CEP57L1: variants seen among roughly 807,000 people sequenced by gnomAD.
The protein encoded by CEP57L1 is centrosomal protein CEP57L1.
In CEP57L1, 37 loss-of-function variants were observed where a neutral mutation model predicts 61.0. The observed-to-expected ratio is 0.61, with a 90% CI of 0.47 to 0.80. The LOEUF (loss-of-function observed/expected upper bound fraction) is 0.80. CEP57L1 is among the 30% of genes least tolerant of loss of function. The pLI is 0.00. For synonymous variants in CEP57L1, 137 were observed against 162.3 expected (o/e 0.84, Z 1.19); for missense variants, 422 against 524.7 (o/e 0.80, Z 1.91).
At position 109,121,845 on chromosome 6, in the gene CEP57L1, C is replaced by A. The variant is rs1030827681; in HGVS notation, c.-3-23374C>A. On this transcript the variant is annotated intron_variant, in intron 1 of 10. Coordinates refer to ENST00000517392, the MANE Select transcript of CEP57L1 (RefSeq NM_001271852.3). ...ACAATTTTATAATTTTTAATAGTGT[C>A]TTTGTTTTATAGTTATTTTGAAAAC... is the stretch of plus-strand genomic sequence containing the variant. 7.9e-5 allele frequency among the ~76,000 whole-genome samples: 12 copies of A among 152,050 alleles called. 1 individual carries two copies. The highest frequency in any genetic ancestry group is 1.3e-4 in the Admixed American group (2 of 15,268).
intron 1 of CEP57L1, among the ~76,000 whole-genome samples, chr6:109,102,475 T>A (rs1770427643): frequency 6.6e-6 from 1 of 152,240 alleles, no homozygotes; most frequent in African/African-American, 2.4e-5. Flanking sequence ...TCTTTAATAG[T>A]GTCTTTTGCA....
At chr6:109,095,290 A>C, upstream of CEP57L1, 1 of 985,946 alleles carries the variant, frequency 1.0e-6, no homozygotes, top group Non-Finnish European at 1.2e-6. Flanking sequence ...GTCACACATA[A>C]AACAAGCACG....
rs552968889 is a variant in CEP57L1, at chr6:109,167,199, G to A, written c.*4229G>A. On this transcript the variant is annotated 3_prime_UTR_variant, in exon 11 of 11. Transcript: ENST00000517392. The stretch of plus-strand genomic sequence containing the variant: ...TTCATGTAACTTTGTCTTTCAATTC[G>A]TTTTTGTTTTTTTTTTCCTGTAAGG... Among the ~76,000 whole-genome samples, 1,147 of 15,700 alleles carry A rather than the reference G, an allele frequency of 0.073. 18 individuals are homozygous for A. Among genetic ancestry groups the A allele is most frequent in the African/African-American group, 0.16 (1,097 of 7,050 alleles). 10.3% of individuals were successfully genotyped at this position (15,700 alleles called of 152,430 possible). A position where few individuals can be genotyped will look rare whatever the true frequency, so the allele number is the denominator to read the frequency against.
intron 1 of CEP57L1, chr6:109,140,312 C>A (rs937041380): frequency 6.6e-6 from 1 of 151,906 alleles, no homozygotes; most frequent in Non-Finnish European, 1.5e-5. Flanking sequence ...TACATATTAA[C>A]ATTAACCCTT....
At position 109,164,031 on chromosome 6, in the gene CEP57L1, T is replaced by A. The variant is rs1773934413; in HGVS notation, c.*1061T>A. ...AAATAGAGGACAGAGAGAAAAGATA[T>A]AATAGAATGGAGGAGCTCAAATATA... On this transcript the variant is annotated 3_prime_UTR_variant, in exon 11 of 11. Transcript: ENST00000517392. The A allele has an allele frequency of 6.6e-6, 1 of 152,020 alleles. No homozygotes were observed. 9.4% of individuals were successfully genotyped at this position (152,020 alleles called of 1,614,324 possible).
chr6:109,133,704 A>T (rs548573188), intron 1 of CEP57L1, among the ~76,000 whole-genome samples: 13 of 152,266 alleles, frequency 8.5e-5, no homozygotes, highest in African/African-American at 3.1e-4. Context: ...AATCAAATAG[A>T]CACAATAAAA....
intron 1 of CEP57L1, among the ~76,000 whole-genome samples, chr6:109,114,818 A>G (rs530977871): frequency 2.6e-5 from 4 of 152,252 alleles, no homozygotes; most frequent in African/African-American, 9.6e-5. Context: ...TATAGTTATT[A>G]TATTTCAAAA....
Position 109,155,175 on chromosome 6 carries a change from A to G in CEP57L1, c.580-55A>G, listed in dbSNP as rs561846772. The stretch of plus-strand genomic sequence containing the variant: ...TAGGACTCTATTTGGAAAAGAAACA[A>G]ATGATATTTGGCTCTAGTTTTTATG... On this transcript the variant is annotated intron_variant, in intron 5 of 10. Transcript: ENST00000517392. The G allele has an allele frequency of 1.0e-4, 113 of 1,105,104 alleles. No individual in the cohort carries two copies. In the African/African-American group the frequency reaches 1.5e-3, roughly 14 times the overall value. The allele number at this position is 1,105,104 out of a possible 1,614,324, so 68.5% of individuals were successfully genotyped here.
chr6:109,142,000 A>G (rs1403256881), intron 1 of CEP57L1, among the ~76,000 whole-genome samples: 2 of 152,204 alleles, frequency 1.3e-5, no homozygotes, highest in Non-Finnish European at 2.9e-5. Context: ...TAGCAGTCCT[A>G]TGGAATAAGT....
At chr6:109,139,405 C>A (rs1291063041) in intron 1 of CEP57L1, among the ~76,000 whole-genome samples, 1 of 152,160 alleles carries the variant, frequency 6.6e-6, no homozygotes, top group African/African-American at 2.4e-5. Flanking sequence ...CTGGGTCAAA[C>A]AATTGTGCCT....
intron 1 of CEP57L1, among the ~76,000 whole-genome samples, chr6:109,105,415 T>C (rs1299879704): frequency 2.0e-5 from 3 of 152,220 alleles, no homozygotes; most frequent in Non-Finnish European, 2.9e-5. Context: ...TAGTGAATAT[T>C]GGCATAGTGA....
chr6:109,120,912 GCACACACACACACA>G (rs71747421), intron 1 of CEP57L1, among the ~76,000 whole-genome samples: 2,574 of 133,544 alleles, frequency 0.019, 75 homozygotes, highest in African/African-American at 0.068. Context: ...TTAGACACAC[GCACACACACACACA>G]CACACACACA....
At chr6:109,127,533 A>G (rs1420272644) in intron 1 of CEP57L1, among the ~76,000 whole-genome samples, 1 of 148,692 alleles carries the variant, frequency 6.7e-6, no homozygotes, top group Non-Finnish European at 1.5e-5. Flanking sequence ...TTCTCTTAAC[A>G]TTCCTTTTTT....
Position 109,163,304 on chromosome 6 carries a change from A to G in CEP57L1, c.*334A>G, listed in dbSNP as rs1773881456. On this transcript the variant is annotated 3_prime_UTR_variant, in exon 11 of 11. Transcript: ENST00000517392. Reference sequence around the variant, plus strand: ...GAGTTAAATCCAAGCTACAAGTACCATTCATTCCACTTTTCATTTAGTAGG... The same window carrying G: ...GAGTTAAATCCAAGCTACAAGTACCGTTCATTCCACTTTTCATTTAGTAGG... The G allele has an allele frequency of 5.6e-6, 1 of 179,796 alleles. No individual in the cohort carries two copies. Among genetic ancestry groups the G allele is most frequent in the African/African-American group, 2.4e-5 (1 of 41,916 alleles). The allele number at this position is 179,796 out of a possible 1,614,324, so 11.1% of individuals were successfully genotyped here.
chr6:109,163,093 G>A lies in CEP57L1; in HGVS notation c.*123G>A, dbSNP rs1773867104. The A allele has an allele frequency of 6.0e-6, 4 of 664,612 alleles. No homozygotes were observed. The highest frequency in any genetic ancestry group is 6.3e-5 in the Admixed American group (2 of 31,982). 41.2% of individuals were successfully genotyped at this position (664,612 alleles called of 1,614,324 possible). On this transcript the variant is annotated 3_prime_UTR_variant, in exon 11 of 11. Transcript: ENST00000517392. ...CATGTTTCTAGTTTCTATAAAACAT[G>A]AAGTTGCAGTATTTAAAAATTAATG...
intron 1 of CEP57L1, among the ~76,000 whole-genome samples, chr6:109,143,700 C>T (rs1013836885): frequency 1.3e-5 from 2 of 151,940 alleles, no homozygotes; most frequent in African/African-American, 4.8e-5. Flanking sequence ...GTACAAAATC[C>T]GGTTTGTGAA....
At chr6:109,152,009 G>T (rs1262069418) in intron 4 of CEP57L1, among the ~76,000 whole-genome samples, 1 of 151,528 alleles carries the variant, frequency 6.6e-6, no homozygotes, top group Non-Finnish European at 1.5e-5. Flanking sequence ...GAATCTGTCA[G>T]TATTTTTCAT....
chr6:109,123,315 C>T (rs1441883016), intron 1 of CEP57L1, among the ~76,000 whole-genome samples: 1 of 152,140 alleles, frequency 6.6e-6, no homozygotes, highest in African/African-American at 2.4e-5. Flanking sequence ...ATTGGCATGT[C>T]TCTATTAAAG....
chr6:109,112,405 C>T (rs1165972576), intron 1 of CEP57L1, among the ~76,000 whole-genome samples: 1 of 151,802 alleles, frequency 6.6e-6, no homozygotes, highest in African/African-American at 2.4e-5. Context: ...CTATTTGATT[C>T]TTCTCTCTTT....
Sources: allele counts gnomAD v4.1 joint callset (sites outside exome capture counted in the v4.1 genomes callset), GRCh38; gene constraint gnomAD v4.1.1; transcripts MANE v1.5; gene names NCBI Gene and HGNC (gene_info 2026-07-23, HGNC 2026-07-21).